The following CSMD1 variants were observed in gnomAD, a reference collection of about 807,000 sequenced individuals.
CSMD1 encodes the protein CUB and sushi domain-containing protein 1.
CSMD1 carries 213 observed loss-of-function variants against 417.5 expected under a neutral mutation model. That is an observed-to-expected ratio of 0.51 (90% CI 0.46 to 0.57). The LOEUF is 0.57. CSMD1 is among the 20% of genes least tolerant of loss of function. The pLI is 0.00. For missense variants in CSMD1, 6,923 were observed against 4,529.7 expected (o/e 1.53, Z -15.17); for synonymous variants, 2,862 against 1,736.8 (o/e 1.65, Z -16.11).
At chr8:3,246,302 T>G (rs2117004576) in intron 26 of CSMD1, among the ~76,000 whole-genome samples, 1 of 152,230 alleles carries the variant, frequency 6.6e-6, no homozygotes, top group Admixed American at 6.5e-5. Context: ...GACTTCTCAC[T>G]GGCTACACGG....
intron 5 of CSMD1, among the ~76,000 whole-genome samples, chr8:3,902,745 G>A (rs1410350995): frequency 6.6e-6 from 1 of 152,012 alleles, no homozygotes; most frequent in Non-Finnish European, 1.5e-5. Flanking sequence ...CCCCTGCTGA[G>A]GTACACATTT....
intron 5 of CSMD1, among the ~76,000 whole-genome samples, chr8:3,851,868 AAAGCCAG>A (rs1490700350): frequency 4.6e-5 from 7 of 152,178 alleles, no homozygotes; most frequent in African/African-American, 7.2e-5. Context: ...ATGGCCATGC[AAAGCCAG>A]TGGGCTCCAT....
At chr8:2,947,771 T>C (rs1311450108) in intron 68 of CSMD1, among the ~76,000 whole-genome samples, 1 of 152,128 alleles carries the variant, frequency 6.6e-6, no homozygotes, top group African/African-American at 2.4e-5. Flanking sequence ...CACCCATCAT[T>C]AGTGTTGGTC....
At position 4,138,998 on chromosome 8, in the gene CSMD1, C is replaced by T. The variant is rs191030793; in HGVS notation, c.416-106899G>A. ...TTTCCTGAGCTGTGGGTTGACTGTACGGCCACATGCAGAAAGGACATATGC... is the reference window on the plus strand; with the variant it reads ...TTTCCTGAGCTGTGGGTTGACTGTATGGCCACATGCAGAAAGGACATATGC... On this transcript the variant is annotated intron_variant, in intron 3 of 69. Transcript: ENST00000635120. Among the ~76,000 whole-genome samples, 19 of 152,242 alleles carry T rather than the reference C, an allele frequency of 1.2e-4. No individual in the cohort carries two copies. The East Asian group carries it at 2.1e-3, about 17-fold the overall frequency.
intron 3 of CSMD1, among the ~76,000 whole-genome samples, chr8:4,355,423 T>C (rs964210028): frequency 6.6e-6 from 1 of 152,064 alleles, no homozygotes; most frequent in Non-Finnish European, 1.5e-5. Context: ...CGAATTCAGG[T>C]ATCTTCTTTA....
At chr8:4,546,987 G>A in intron 2 of CSMD1, among the ~76,000 whole-genome samples, 1 of 152,160 alleles carries the variant, frequency 6.6e-6, no homozygotes, top group Non-Finnish European at 1.5e-5. Flanking sequence ...ATCACCCTGT[G>A]TGCCCTACAT....
chr8:3,329,501 T>A (rs1468179044), intron 23 of CSMD1, among the ~76,000 whole-genome samples: 1 of 152,170 alleles, frequency 6.6e-6, no homozygotes, highest in Non-Finnish European at 1.5e-5. Flanking sequence ...ACTACTGTTA[T>A]CTAGTTAACA....
intron 33 of CSMD1, among the ~76,000 whole-genome samples, chr8:3,197,148 A>G (rs536131421): frequency 1.3e-5 from 2 of 152,222 alleles, no homozygotes; most frequent in Non-Finnish European, 2.9e-5. Context: ...TAACATCATC[A>G]TTAATTCTGT....
intron 1 of CSMD1, among the ~76,000 whole-genome samples, chr8:4,794,934 G>A (rs1034079414): frequency 2.6e-5 from 4 of 152,072 alleles, no homozygotes; most frequent in African/African-American, 7.2e-5. Flanking sequence ...ACGCTGGGAA[G>A]GGAGTCCTAC....
intron 3 of CSMD1, among the ~76,000 whole-genome samples, chr8:4,147,191 T>C (rs112300440): frequency 4.6e-4 from 70 of 151,476 alleles, no homozygotes; most frequent in African/African-American, 1.6e-3. Context: ...CAGGCAACAC[T>C]CCCTCACACA....
At chr8:3,483,205 A>G (rs779614861) in intron 11 of CSMD1, among the ~76,000 whole-genome samples, 61 of 152,102 alleles carry the variant, frequency 4.0e-4, no homozygotes, top group Non-Finnish European at 1.2e-4. Context: ...AATATAATTG[A>G]TGAAGCTATA....
chr8:3,582,237 T>G (rs1290131062), intron 9 of CSMD1, among the ~76,000 whole-genome samples: 1 of 152,234 alleles, frequency 6.6e-6, no homozygotes, highest in African/African-American at 2.4e-5. Context: ...TCCATTTTCC[T>G]GGACACTGTA....
At chr8:4,553,248 T>A (rs902456001) in intron 2 of CSMD1, among the ~76,000 whole-genome samples, 1 of 152,194 alleles carries the variant, frequency 6.6e-6, no homozygotes, top group Non-Finnish European at 1.5e-5. Flanking sequence ...GCAACCATCA[T>A]AAATGTAACA....
At chr8:3,481,234 A>G (rs1404046539) in intron 11 of CSMD1, among the ~76,000 whole-genome samples, 1 of 151,806 alleles carries the variant, frequency 6.6e-6, no homozygotes, top group Non-Finnish European at 1.5e-5. Context: ...ATTCTTCTTG[A>G]AAAGAAATGA....
intron 7 of CSMD1, among the ~76,000 whole-genome samples, chr8:3,618,945 T>G (rs1427365165): frequency 6.6e-6 from 1 of 152,114 alleles, no homozygotes; most frequent in Non-Finnish European, 1.5e-5. Flanking sequence ...GACTGAGCTC[T>G]GTCTTTCCTG....
intron 5 of CSMD1, among the ~76,000 whole-genome samples, chr8:3,839,486 A>G (rs1267090030): frequency 2.4e-5 from 3 of 124,016 alleles, no homozygotes; most frequent in East Asian, 4.4e-4. Flanking sequence ...TATATTATAT[A>G]TTTATATATT....
intron 26 of CSMD1, among the ~76,000 whole-genome samples, chr8:3,239,916 A>T (rs1337378623): frequency 6.6e-6 from 1 of 151,898 alleles, no homozygotes; most frequent in African/African-American, 2.4e-5. Flanking sequence ...GAACAATGGT[A>T]ATTGTGGGAG....
chr8:4,664,207 G>T (rs1031481389), intron 1 of CSMD1, among the ~76,000 whole-genome samples: 5 of 152,164 alleles, frequency 3.3e-5, no homozygotes, highest in African/African-American at 1.2e-4. Context: ...TTTCATCTTT[G>T]CATTATCTTG....
intron 11 of CSMD1, among the ~76,000 whole-genome samples, chr8:3,481,800 T>A (rs903350446): frequency 6.6e-6 from 1 of 152,134 alleles, no homozygotes; most frequent in South Asian, 2.1e-4. Context: ...AGGGATGAAT[T>A]CTTCCCCAGG....
Sources: gnomAD v4.1 joint callset for allele counts (sites outside exome capture counted in the v4.1 genomes callset) on GRCh38, gnomAD v4.1.1 for gene constraint, MANE v1.5 for transcripts, NCBI Gene and HGNC (gene_info 2026-07-23, HGNC 2026-07-21) for gene names.